Variants in MYT1L observed in about 807,000 individuals in gnomAD.
MYT1L encodes the protein myelin transcription factor 1 like.
MYT1L carries 12 observed loss-of-function variants against 126.7 expected under a neutral mutation model. The observed-to-expected ratio is 0.09, with a 90% confidence interval of 0.06 to 0.15. MYT1L has a LOEUF of 0.15. MYT1L is among the 10% of genes least tolerant of loss of function. The pLI is 1.00. For synonymous variants in MYT1L, 541 were observed against 604.2 expected, an observed-to-expected ratio of 0.90 and a Z score of 1.53; for missense variants, 979 against 1,585.2, an observed-to-expected ratio of 0.62 and a Z score of 6.49.
intron 2 of MYT1L, among the ~76,000 whole-genome samples, chr2:2,266,173 G>T (rs1350522493): frequency 6.6e-6 from 1 of 152,188 alleles, no homozygotes; most frequent in African/African-American, 2.4e-5. Context: ...GGTTAATAAG[G>T]TGACTCTCAA....
intron 3 of MYT1L, among the ~76,000 whole-genome samples, chr2:2,103,673 A>C (rs1172410378): frequency 6.6e-6 from 1 of 152,192 alleles, no homozygotes; most frequent in Non-Finnish European, 1.5e-5. Context: ...CCCACATTAC[A>C]TGAGGGGCCT....
At chr2:2,296,600 G>A (rs2095697676) in intron 1 of MYT1L, among the ~76,000 whole-genome samples, 1 of 152,100 alleles carries the variant, frequency 6.6e-6, no homozygotes, top group Non-Finnish European at 1.5e-5. Flanking sequence ...TTAACTCCAG[G>A]AGAAGAGAGA....
rs1243064154 is a variant in MYT1L at position 1,998,068 on chromosome 2, A to G, written c.-157-721T>C. On this transcript the variant is annotated intron_variant, in intron 4 of 24. Transcript: ENST00000647738. ...ACCATGAATTAAGGCCTGTCCCTAC[A>G]CATGCTCAGGAAGGACCCACAACGC... is the stretch of plus-strand genomic sequence containing the variant. Among the ~76,000 whole-genome samples, 13 of 152,200 alleles carry G rather than the reference A, an allele frequency of 8.5e-5. No individual in the cohort carries two copies. The East Asian group carries it at 2.3e-3, about 27-fold the overall frequency.
chr2:2,322,600 A>G (rs1004763691), intron 1 of MYT1L, among the ~76,000 whole-genome samples: 10 of 152,054 alleles, frequency 6.6e-5, no homozygotes, highest in Non-Finnish European at 7.4e-5. Flanking sequence ...CCCTAAAAAA[A>G]AAAAAACAAA....
At chr2:1,900,521 G>C (rs1026976926) in intron 14 of MYT1L, among the ~76,000 whole-genome samples, 1 of 152,090 alleles carries the variant, frequency 6.6e-6, no homozygotes, top group Non-Finnish European at 1.5e-5. Context: ...GGATGGTCTT[G>C]ATCTCCTGAC....
At position 2,262,932 on chromosome 2, in the gene MYT1L, A is replaced by ATATATATATATATATAT. The variant is rs1553610292; in HGVS notation, c.-421+21471_-421+21472insATATATATATATATATA. Among the ~76,000 whole-genome samples the ATATATATATATATATAT allele has an allele frequency of 8.3e-4, 34 of 41,090 alleles. 5 individuals carry two copies. Among genetic ancestry groups the ATATATATATATATATAT allele is most frequent in the African/African-American group, 2.8e-3 (26 of 9,396 alleles). The allele number at this position is 41,090 out of a possible 152,430, so 27.0% of individuals were successfully genotyped here. A position where few individuals can be genotyped will look rare whatever the true frequency, so the allele number is the denominator to read the frequency against. ...GAGGCACAAATATATATATATATAT[A>ATATATATATATATATAT]ACCTGTGATATATATATATATATCA... On this transcript the variant is annotated intron_variant, in intron 2 of 24. Coordinates refer to ENST00000647738, the MANE Select transcript of MYT1L (RefSeq NM_001303052.2).
chr2:2,011,872 C>A (rs1433140329), intron 4 of MYT1L, among the ~76,000 whole-genome samples: 3 of 152,218 alleles, frequency 2.0e-5, no homozygotes, highest in African/African-American at 7.2e-5. Flanking sequence ...GAGATGCTGA[C>A]AAGTGCTGGT....
chr2:2,143,328 TAA>T, intron 3 of MYT1L, among the ~76,000 whole-genome samples: 1 of 150,960 alleles, frequency 6.6e-6, no homozygotes, highest in Middle Eastern at 3.5e-3. Context: ...TTCTGAAGTT[TAA>T]AAACAAAGAG....
At chr2:1,804,233 G>A (rs1476876425) in intron 22 of MYT1L, among the ~76,000 whole-genome samples, 2 of 152,130 alleles carry the variant, frequency 1.3e-5, no homozygotes, top group Non-Finnish European at 2.9e-5. Context: ...CGATTCTCCT[G>A]TCTCAGCCTC....
intron 14 of MYT1L, among the ~76,000 whole-genome samples, chr2:1,894,044 G>C (rs529122587): frequency 6.6e-6 from 1 of 152,368 alleles, no homozygotes; most frequent in Non-Finnish European, 1.5e-5. Flanking sequence ...GCATGAGCCA[G>C]AGGCTCAAAT....
At chr2:2,329,969 C>T (rs528173942) in intron 1 of MYT1L, among the ~76,000 whole-genome samples, 1 of 151,282 alleles carries the variant, frequency 6.6e-6, no homozygotes, top group South Asian at 2.1e-4. Flanking sequence ...GAATGCAATG[C>T]TGTTTTTTTT....
intron 11 of MYT1L, among the ~76,000 whole-genome samples, chr2:1,913,925 C>T (rs1055475066): frequency 6.6e-6 from 1 of 152,134 alleles, no homozygotes; most frequent in Non-Finnish European, 1.5e-5. Flanking sequence ...CTCTCCTCTT[C>T]TCACATCTGT....
chr2:1,994,253 A>C (rs965442732), intron 5 of MYT1L, among the ~76,000 whole-genome samples: 1 of 152,138 alleles, frequency 6.6e-6, no homozygotes, highest in African/African-American at 2.4e-5. Context: ...CACCAGGCTC[A>C]GCCCTGGTTC....
chr2:1,816,731 A>G (rs1168777554), intron 21 of MYT1L: 1 of 152,764 alleles, frequency 6.5e-6, no homozygotes, highest in Non-Finnish European at 1.5e-5. Flanking sequence ...CGCTTCTTTC[A>G]AGGCCACTGA....
intron 21 of MYT1L, among the ~76,000 whole-genome samples, chr2:1,831,868 C>T (rs767294454): frequency 7.2e-5 from 11 of 152,104 alleles, no homozygotes; most frequent in Admixed American, 1.3e-4. Context: ...CCCTGAGTCC[C>T]GGGGTGAACC....
intron 3 of MYT1L, among the ~76,000 whole-genome samples, chr2:2,147,914 G>A (rs1483060951): frequency 6.6e-6 from 1 of 152,206 alleles, no homozygotes; most frequent in Non-Finnish European, 1.5e-5. Flanking sequence ...AATACACTTT[G>A]TCTTTCACTT....
intron 2 of MYT1L, among the ~76,000 whole-genome samples, chr2:2,268,234 A>G (rs558459062): frequency 6.6e-6 from 1 of 152,326 alleles, no homozygotes; most frequent in South Asian, 2.1e-4. Flanking sequence ...ATGAGGGCTA[A>G]TGAAAAGTAT....
intron 3 of MYT1L, among the ~76,000 whole-genome samples, chr2:2,099,518 G>A (rs949142997): frequency 2.6e-5 from 4 of 152,250 alleles, no homozygotes; most frequent in South Asian, 2.1e-4. Flanking sequence ...AGCACTTGCC[G>A]TTCTGGGTCC....
At chr2:2,254,830 C>T (rs890932771) in intron 2 of MYT1L, among the ~76,000 whole-genome samples, 2 of 152,188 alleles carry the variant, frequency 1.3e-5, no homozygotes, top group Non-Finnish European at 2.9e-5. Context: ...TGTCCTCCAA[C>T]TGATCTACCA....
Sources: allele counts gnomAD v4.1 joint callset (sites outside exome capture counted in the v4.1 genomes callset), GRCh38; gene constraint gnomAD v4.1.1; transcripts MANE v1.5; gene names NCBI Gene and HGNC (gene_info 2026-07-23, HGNC 2026-07-21).